RBM25: variants seen among roughly 807,000 people sequenced by gnomAD.
The protein encoded by RBM25 is RNA binding motif protein 25.
A neutral mutation model predicts 120.7 loss-of-function variants in RBM25; 19 were observed. The ratio of observed to expected loss-of-function variants is 0.16; its 90% confidence interval spans 0.11 to 0.23. The LOEUF is 0.23. RBM25 is among the 10% of genes least tolerant of loss of function. RBM25 has a pLI of 1.00. For synonymous variants in RBM25, 390 were observed against 326.7 expected (o/e 1.19, Z -2.09); for missense variants, 605 against 1,041.5 (o/e 0.58, Z 5.77).
rs1895506943 is a variant in RBM25, at chr14:73,079,433, A to G, written c.324+1897A>G. 1.3e-5 allele frequency among the ~76,000 whole-genome samples: 2 copies of G among 150,576 alleles called. 1 individual carries two copies. Among genetic ancestry groups the G allele is most frequent in the Non-Finnish European group, 3.0e-5 (2 of 67,084 alleles). On this transcript the variant is annotated intron_variant, in intron 4 of 18. Transcript: ENST00000261973. ...GTTAGACTTTGTCTCACACACAAAA[A>G]AAGGAGTTTGGAAGAATGACTATAT...
intron 1 of RBM25, among the ~76,000 whole-genome samples, chr14:73,069,676 G>A (rs1895227051): frequency 7.2e-6 from 1 of 138,956 alleles, no homozygotes; most frequent in South Asian, 2.3e-4. Context: ...CAGGTCATGT[G>A]TCCGCCTCGG....
intron 5 of RBM25, among the ~76,000 whole-genome samples, chr14:73,087,212 G>C (rs1459221698): frequency 1.3e-5 from 2 of 152,044 alleles, no homozygotes; most frequent in Non-Finnish European, 2.9e-5. Context: ...CATCTTAATA[G>C]TGAGATTGAC....
At chr14:73,113,309 A>G (rs988736506) in intron 17 of RBM25, among the ~76,000 whole-genome samples, 10 of 151,124 alleles carry the variant, frequency 6.6e-5, no homozygotes, top group Non-Finnish European at 1.3e-4. Flanking sequence ...CTGGTCTTGA[A>G]CTCCTGACCT....
intron 18 of RBM25, among the ~76,000 whole-genome samples, chr14:73,117,753 A>G (rs1896465656): frequency 6.6e-6 from 1 of 152,184 alleles, no homozygotes; most frequent in African/African-American, 2.4e-5. Flanking sequence ...ATGTAGCCTG[A>G]CTAGAGAATT....
intron 1 of RBM25, among the ~76,000 whole-genome samples, chr14:73,059,848 G>T (rs919596051): frequency 1.6e-4 from 25 of 152,120 alleles, no homozygotes; most frequent in African/African-American, 6.0e-4. Context: ...TTGTTCCTCT[G>T]TAAAATGAAT....
chr14:73,094,192 A>G (rs866844163), intron 6 of RBM25, among the ~76,000 whole-genome samples: 6 of 147,130 alleles, frequency 4.1e-5, no homozygotes, highest in Middle Eastern at 7.4e-3. Flanking sequence ...TGACCTTGTG[A>G]TCTGCCTGCC....
In RBM25 at chr14:73,071,717, T is replaced by C; in HGVS notation, c.76T>C (p.Phe26Leu). The C allele has an allele frequency of 1.2e-6, 2 of 1,613,910 alleles. No individual in the cohort carries two copies. Among genetic ancestry groups the C allele is most frequent in the South Asian group, 1.1e-5 (1 of 91,074 alleles). Reference protein sequence around the residue: ...ALPPGIPPPQFPGFPPPVPPG... With the variant: ...ALPPGIPPPQLPGFPPPVPPG... Reference sequence around the variant, plus strand: ...CCCACCAGGGATCCCACCCCCGCAGTTTCCAGGATTTCCTCCACCTGTACC... The same window carrying C: ...CCCACCAGGGATCCCACCCCCGCAGCTTCCAGGATTTCCTCCACCTGTACC... Residue 26 changes from phenylalanine to leucine, a missense_variant, in exon 2 of 19, where the codon TTT becomes CTT. Transcript: ENST00000261973.
At chr14:73,082,457 A>C (rs924703020) in intron 4 of RBM25, among the ~76,000 whole-genome samples, 4 of 151,794 alleles carry the variant, frequency 2.6e-5, no homozygotes, top group African/African-American at 9.7e-5. Flanking sequence ...ACGCCCGCCT[A>C]ATTTTTTTGT....
intron 1 of RBM25, among the ~76,000 whole-genome samples, chr14:73,069,137 C>T (rs893723161): frequency 6.6e-6 from 1 of 152,218 alleles, no homozygotes; most frequent in South Asian, 2.1e-4. Flanking sequence ...CTCTTGACCT[C>T]ACGTGAGCCC....
intron 4 of RBM25, among the ~76,000 whole-genome samples, chr14:73,079,410 T>TAA (rs2140433664): frequency 6.6e-6 from 1 of 150,694 alleles, no homozygotes; most frequent in African/African-American, 2.4e-5. Flanking sequence ...GTGACAATGT[T>TAA]AGACTTTGTC....
chr14:73,065,517 C>G (rs1287957207), intron 1 of RBM25, among the ~76,000 whole-genome samples: 1 of 152,040 alleles, frequency 6.6e-6, no homozygotes, highest in Non-Finnish European at 1.5e-5. Flanking sequence ...CCCTGCCACC[C>G]AGGTTCAAGC....
At chr14:73,065,093 G>C (rs1895097118) in intron 1 of RBM25, 1 of 150,500 alleles carries the variant, frequency 6.6e-6, no homozygotes, top group Non-Finnish European at 1.5e-5. Context: ...TGGGATTACA[G>C]GTGCGCACCA....
At chr14:73,073,210 T>G (rs925776886) in intron 2 of RBM25, among the ~76,000 whole-genome samples, 2 of 152,176 alleles carry the variant, frequency 1.3e-5, no homozygotes, top group Non-Finnish European at 2.9e-5. Context: ...ATTACAGATG[T>G]GAGCCCCTGC....
intron 9 of RBM25, 144 bp from the exon 10 acceptor site, chr14:73,103,048 A>G: frequency 2.0e-6 from 3 of 1,485,776 alleles, no homozygotes; most frequent in African/African-American, 1.4e-5. Context: ...CTTCAGTTTA[A>G]TTTGTCACAT....
In RBM25 at chr14:73,076,387, A is replaced by G. The variant is rs776631790; in HGVS notation, c.156+19A>G. The G allele has an allele frequency of 8.2e-6, 13 of 1,592,866 alleles. No individual in the cohort carries two copies. The highest frequency in any genetic ancestry group is 1.1e-5 in the Non-Finnish European group (13 of 1,160,884). ...TCCAACTGTAAGTATAACTTAAAGGAGGAATCATGAGTTATGGTAGTGCTA... is the reference window on the plus strand; with the variant it reads ...TCCAACTGTAAGTATAACTTAAAGGGGGAATCATGAGTTATGGTAGTGCTA... On this transcript the variant is annotated intron_variant, in intron 3 of 18. Coordinates refer to ENST00000261973, the MANE Select transcript of RBM25 (RefSeq NM_021239.3).
intron 2 of RBM25, among the ~76,000 whole-genome samples, chr14:73,073,507 G>A (rs1369477794): frequency 6.6e-6 from 1 of 152,184 alleles, no homozygotes; most frequent in Non-Finnish European, 1.5e-5. Flanking sequence ...GGCCAACGTG[G>A]CAAAATGCCA....
Position 73,079,776 on chromosome 14 carries a change from ATGT to A in RBM25, c.324+2242_324+2244del, listed in dbSNP as rs1895515462. 1.3e-5 allele frequency among the ~76,000 whole-genome samples: 2 copies of A among 150,454 alleles called. 1 individual carries two copies. Among genetic ancestry groups the A allele is most frequent in the Non-Finnish European group, 3.0e-5 (2 of 67,094 alleles). On this transcript the variant is annotated intron_variant, in intron 4 of 18. Transcript: ENST00000261973. ...TAAGTTTTAATTAACTGGTTTGAGG[ATGT>A]TTTGGGTTTCTCAGTTTTGTTTTCT... is the stretch of plus-strand genomic sequence containing the variant.
Position 73,106,011 on chromosome 14 carries a change from A to G in RBM25, c.1307A>G (p.Asp436Gly), listed in dbSNP as rs1015840023. Residue 436 changes from aspartate (D) to glycine (G), a missense_variant, in exon 11 of 19, where the codon GAT (aspartate) becomes GGT (glycine). Around this residue, in one of 4 missense-constraint regions of RBM25, gnomAD observed 465 missense variants for 741.6 expected, o/e 0.63. Transcript: ENST00000261973. ...GACAAAAAACGGGACCGAGAAGAAG[A>G]TGAAGAAGATGCATACGAACGAAGA... Reference protein sequence around the residue: ...EKDKKRDREEDEEDAYERRKL... With the variant: ...EKDKKRDREEGEEDAYERRKL... 4.3e-6 allele frequency: 7 copies of G among 1,613,718 alleles called. No homozygotes were observed. The highest frequency in any genetic ancestry group is 1.7e-5 in the Admixed American group (1 of 59,960).
At position 73,099,426 on chromosome 14, in the gene RBM25, T is replaced by C. The variant is rs754790156; in HGVS notation, c.776T>C (p.Ile259Thr). 6.2e-7 allele frequency: 1 copy of C among 1,609,328 alleles called. No homozygotes were observed. The highest frequency in any genetic ancestry group is 1.3e-5 in the African/African-American group (1 of 74,592). ...PVAPLIPYPL[I>T]TKEDINAIEM... is the part of the protein sequence containing the mutation. ...GCCCCACTGATCCCTTATCCACTCA[T>C]CACTAAGGTTAGTTTAAATTGTAGG... Residue 259 changes from isoleucine to threonine, a missense_variant, in exon 8 of 19, where the codon ATC becomes ACC. By Grantham distance (89) the Ile-to-Thr change is moderately conservative. This residue lies in a region of RBM25 where 465 missense variants were observed against 741.6 expected (regional missense o/e 0.63). Coordinates refer to ENST00000261973, the MANE Select transcript of RBM25 (RefSeq NM_021239.3).
Sources: gnomAD v4.1 joint callset for allele counts (sites outside exome capture counted in the v4.1 genomes callset) on GRCh38, gnomAD v4.1.1 for gene constraint, gnomAD v4.1.1 regional missense constraint, MANE v1.5 for transcripts, NCBI Gene and HGNC (gene_info 2026-07-23, HGNC 2026-07-21) for gene names.